Variants in RUNX1T1 observed in about 807,000 individuals in gnomAD.
RUNX1T1 encodes the protein protein CBFA2T1.
Under a neutral mutation model 62.8 loss-of-function variants are expected in RUNX1T1, and 4 were observed. The observed-to-expected ratio is 0.06, with a 90% CI of 0.03 to 0.15. The LOEUF is 0.15. RUNX1T1 is among the 10% of genes least tolerant of loss of function. The pLI, the probability that RUNX1T1 is intolerant of heterozygous loss-of-function variation, is 1.00. For synonymous variants in RUNX1T1, 291 were observed against 286.0 expected, an observed-to-expected ratio of 1.02 and a Z score of -0.18; for missense variants, 508 against 754.3, an observed-to-expected ratio of 0.67 and a Z score of 3.82.
intron 5 of RUNX1T1, among the ~76,000 whole-genome samples, chr8:91,998,030 T>A (rs557546631): frequency 6.6e-6 from 1 of 152,320 alleles, no homozygotes; most frequent in South Asian, 2.1e-4. Flanking sequence ...ATCAAACACA[T>A]CTTCCTTTCC....
intron 2 of RUNX1T1, among the ~76,000 whole-genome samples, chr8:92,073,027 C>T (rs1307457356): frequency 1.3e-5 from 2 of 152,138 alleles, no homozygotes; most frequent in Admixed American, 1.3e-4. Flanking sequence ...AAAAAAGTTT[C>T]CTGTCATTCT....
chr8:92,072,086 C>T (rs1299430632), intron 2 of RUNX1T1, among the ~76,000 whole-genome samples: 2 of 152,010 alleles, frequency 1.3e-5, no homozygotes, highest in East Asian at 1.9e-4. Context: ...CTGTGTAAAA[C>T]GCTGGTATCT....
chr8:91,970,043 T>TGTGTGTGTGTGTTGTGTGTGTGTG (rs11374252), intron 10 of RUNX1T1, among the ~76,000 whole-genome samples: 2 of 142,716 alleles, frequency 1.4e-5, no homozygotes, highest in African/African-American at 5.3e-5. Flanking sequence ...TGTGTGTGTG[T>TGTGTGTGTGTGTTGTGTGTGTGTG]TGTGTGTGTG....
chr8:92,095,458 G>A (rs1224507678), intron 1 of RUNX1T1: 1 of 1,535,032 alleles, frequency 6.5e-7, no homozygotes, highest in East Asian at 2.4e-5. Flanking sequence ...GCCTTGTCAG[G>A]ATGGCACATT....
intron 9 of RUNX1T1, among the ~76,000 whole-genome samples, chr8:91,971,445 T>G (rs1812807518): frequency 6.6e-6 from 1 of 152,148 alleles, no homozygotes; most frequent in Non-Finnish European, 1.5e-5. Flanking sequence ...AACAAATAAG[T>G]GCAAACTATT....
chr8:92,081,948 C>A (rs185172863), intron 1 of RUNX1T1, among the ~76,000 whole-genome samples: 2 of 152,218 alleles, frequency 1.3e-5, no homozygotes, highest in East Asian at 1.9e-4. Flanking sequence ...TGAAGTGGCG[C>A]AATCTCCACT....
At chr8:92,095,426 T>C (rs1030299168) in intron 1 of RUNX1T1, 48 of 1,535,314 alleles carry the variant, frequency 3.1e-5, no homozygotes, top group Non-Finnish European at 3.9e-5. Context: ...TAAACACACA[T>C]TGGAGCTTAT....
exon 11 of RUNX1T1, chr8:91,959,063 G>A (rs184998825): frequency 4.7e-6 from 1 of 212,722 alleles, no homozygotes; most frequent in African/African-American, 2.3e-5. Context: ...GACTAAATGT[G>A]GGCATATGGT....
chr8:91,969,412 A>T (rs1167049258), intron 10 of RUNX1T1, among the ~76,000 whole-genome samples: 2 of 152,234 alleles, frequency 1.3e-5, no homozygotes, highest in Non-Finnish European at 2.9e-5. Context: ...ATATGACATC[A>T]ACTGTGCCTC....
intron 1 of RUNX1T1, among the ~76,000 whole-genome samples, chr8:92,077,310 A>G (rs149966652): frequency 6.6e-5 from 10 of 152,224 alleles, no homozygotes; most frequent in African/African-American, 2.2e-4. Flanking sequence ...TGGATCTTGG[A>G]AACATTTAGC....
intron 5 of RUNX1T1, 132 bp downstream of exon 6, chr8:92,004,984 T>G (rs1238813400): frequency 6.7e-6 from 5 of 743,398 alleles, no homozygotes; most frequent in Non-Finnish European, 1.1e-5. Context: ...ATTCTCAAGA[T>G]GGCCACAATG....
intron 1 of RUNX1T1, among the ~76,000 whole-genome samples, chr8:92,029,961 T>C (rs1054773474): frequency 6.6e-6 from 1 of 152,198 alleles, no homozygotes; most frequent in Non-Finnish European, 1.5e-5. Flanking sequence ...GATCAAGTCA[T>C]TCCCCTATTT....
Position 92,027,041 on chromosome 8 carries a change from G to A in RUNX1T1, c.8-9678C>T, listed in dbSNP as rs564452725. On this transcript the variant is annotated intron_variant, in intron 1 of 10. Transcript: ENST00000396218. ...TGAGGCAGGAGAATGGCGTGAACCC[G>A]GGAGGCGGAGCTTGCAGTGAGTCGA... 8.7e-5 allele frequency among the ~76,000 whole-genome samples: 13 copies of A among 150,108 alleles called. 1 individual carries two copies. The East Asian group carries it at 1.8e-3, about 20-fold the overall frequency.
chr8:92,060,522 AATATATATATATATATAT>A (rs61066655), intron 1 of RUNX1T1, among the ~76,000 whole-genome samples: 1 of 76,326 alleles, frequency 1.3e-5, no homozygotes. Flanking sequence ...TCAACTACCA[AATATATATATATATATAT>A]ATATATATAT....
intron 10 of RUNX1T1, among the ~76,000 whole-genome samples, chr8:91,965,503 T>A (rs546266780): frequency 5.9e-5 from 9 of 152,284 alleles, no homozygotes; most frequent in Non-Finnish European, 1.2e-4. Flanking sequence ...GTGGTTTCAA[T>A]GATCAGCTGT....
At chr8:91,978,322 T>C (rs1814437387) in intron 8 of RUNX1T1, among the ~76,000 whole-genome samples, 1 of 152,176 alleles carries the variant, frequency 6.6e-6, no homozygotes, top group African/African-American at 2.4e-5. Flanking sequence ...CTACTATTAT[T>C]TGAGAGCACT....
In RUNX1T1 at chr8:92,099,578, A is replaced by ACAGTAAT. The variant is rs2130951612; in HGVS notation, c.-91_-86+1dup. 4.1e-6 allele frequency: 4 copies of ACAGTAAT among 972,298 alleles called. No homozygotes were observed. In the South Asian group the frequency reaches 1.9e-4, roughly 46 times the overall value. The allele number at this position is 972,298 out of a possible 1,614,324, so 60.2% of individuals were successfully genotyped here. ...CTTTCTCACTGAACTTACATAACTT[A>ACAGTAAT]CAGTAATAGACTCCGGCAAAATGCA... On this transcript the variant is annotated splice_donor_variant, in intron 1 of 11. Coordinates refer to the RUNX1T1 transcript ENST00000265814. LOFTEE classifies it low-confidence loss of function (5UTR_SPLICE).
chr8:92,083,643 T>C (rs1835634184), intron 1 of RUNX1T1, among the ~76,000 whole-genome samples: 1 of 152,202 alleles, frequency 6.6e-6, no homozygotes. Flanking sequence ...ACTTTTACAC[T>C]GTTGGTGGGG....
At chr8:91,960,595 A>G (rs1810224154) in intron 10 of RUNX1T1, 78 bp from the exon 12 acceptor site, 1 of 1,441,756 alleles carries the variant, frequency 6.9e-7, no homozygotes, top group African/African-American at 1.4e-5. Context: ...TATGTTAGGC[A>G]TCACTGTAGC....
Sources: allele counts gnomAD v4.1 joint callset (sites outside exome capture counted in the v4.1 genomes callset), GRCh38; gene constraint gnomAD v4.1.1; transcripts MANE v1.5; gene names NCBI Gene and HGNC (gene_info 2026-07-23, HGNC 2026-07-21).